The following ARFGAP3 variants were observed in gnomAD, a reference collection of about 807,000 sequenced individuals.
The protein encoded by ARFGAP3 is ARF GTPase activating protein 3.
A neutral mutation model predicts 75.0 loss-of-function variants in ARFGAP3; 72 were observed. The observed-to-expected ratio is 0.96, with a 90% CI of 0.79 to 1.17. ARFGAP3 has a LOEUF of 1.17. Among genes scored for constraint, ARFGAP3 ranks in the 50% most tolerant of loss-of-function variants. The pLI is 0.00. For synonymous variants in ARFGAP3, 221 were observed against 217.9 expected (o/e 1.01, Z -0.13); for missense variants, 620 against 626.6 (o/e 0.99, Z 0.11).
At chr22:42,841,859 T>C (rs1197305139) in intron 2 of ARFGAP3, among the ~76,000 whole-genome samples, 1 of 140,852 alleles carries the variant, frequency 7.1e-6, no homozygotes, top group East Asian at 1.9e-4. Flanking sequence ...TTATATTTAC[T>C]AATTTCTTTT....
At chr22:42,826,383 C>CTT (rs113925697) in intron 7 of ARFGAP3, among the ~76,000 whole-genome samples, 2 of 142,142 alleles carry the variant, frequency 1.4e-5, no homozygotes, top group Non-Finnish European at 3.1e-5. Context: ...CACATTGCTG[C>CTT]TTTTTTTTTT....
intron 3 of ARFGAP3, among the ~76,000 whole-genome samples, chr22:42,837,424 C>T (rs552767703): frequency 6.6e-6 from 1 of 152,060 alleles, no homozygotes; most frequent in African/African-American, 2.4e-5. Context: ...AGTTCGAGAC[C>T]AGCCTGGCAA....
intron 6 of ARFGAP3, among the ~76,000 whole-genome samples, chr22:42,828,328 G>A (rs1926134081): frequency 6.6e-6 from 1 of 152,016 alleles, no homozygotes; most frequent in African/African-American, 2.4e-5. Flanking sequence ...GGAGGCCAAG[G>A]GGGACGCATC....
At chr22:42,829,006 A>G (rs1926167875) in intron 6 of ARFGAP3, among the ~76,000 whole-genome samples, 1 of 152,204 alleles carries the variant, frequency 6.6e-6, no homozygotes, top group East Asian at 1.9e-4. Context: ...TTATGCTAAT[A>G]AATTATAATA....
At chr22:42,850,571 CAA>C (rs57841993) in intron 1 of ARFGAP3, among the ~76,000 whole-genome samples, 70 of 57,584 alleles carry the variant, frequency 1.2e-3, no homozygotes, top group South Asian at 0.012. Context: ...ACCCTGCTAT[CAA>C]AAAAAAAAAA....
intron 1 of ARFGAP3, chr22:42,853,397 C>A: frequency 9.1e-6 from 2 of 218,712 alleles, no homozygotes; most frequent in South Asian, 1.6e-4. Context: ...CGTTTCTACT[C>A]CTTTTTCACT....
chr22:42,843,358 G>A (rs553664817), intron 2 of ARFGAP3, among the ~76,000 whole-genome samples: 4 of 152,268 alleles, frequency 2.6e-5, no homozygotes, highest in South Asian at 4.1e-4. Flanking sequence ...TATATCTGAA[G>A]GTCCGAGTGC....
chr22:42,811,575 C>T (rs1232089260), intron 11 of ARFGAP3, among the ~76,000 whole-genome samples: 3 of 152,214 alleles, frequency 2.0e-5, no homozygotes, highest in Non-Finnish European at 2.9e-5. Flanking sequence ...TCATTAACCT[C>T]CTCCTGGAGT....
chr22:42,822,397 T>C lies in ARFGAP3; in HGVS notation c.685A>G (p.Lys229Glu). The change falls in exon 9 of 16, where the codon AAA (lysine) becomes GAA (glutamate). Residue 229 changes from lysine to glutamate, a missense_variant. By Grantham distance (56) the Lys-to-Glu change is moderately conservative. Transcript: ENST00000263245. ...AGTTTCTGAGCTCCCAAACTTCCTT[T>C]TTTGGCCCCAAGCTAGAACATATAT... ...NQAKKGLGAK[K>E]GSLGAQKLAN... 1.2e-6 allele frequency: 2 copies of C among 1,614,044 alleles called. No homozygotes were observed. The highest frequency in any genetic ancestry group is 1.7e-6 in the Non-Finnish European group (2 of 1,179,994).
intron 1 of ARFGAP3, among the ~76,000 whole-genome samples, chr22:42,852,382 T>C (rs1927315858): frequency 6.6e-6 from 1 of 150,866 alleles, no homozygotes; most frequent in African/African-American, 2.4e-5. Context: ...TTTTTTGAGA[T>C]AGGGTCTCGC....
intron 9 of ARFGAP3, among the ~76,000 whole-genome samples, chr22:42,820,207 C>T (rs778257422): frequency 6.6e-6 from 1 of 152,144 alleles, no homozygotes; most frequent in African/African-American, 2.4e-5. Context: ...CTCCCAAATA[C>T]CAAGAGAAGC....
At chr22:42,831,115 CATGGTGAAATCA>C (rs1233197467) in intron 6 of ARFGAP3, among the ~76,000 whole-genome samples, 27 of 151,982 alleles carry the variant, frequency 1.8e-4, no homozygotes, top group Admixed American at 1.4e-3. Context: ...GCATGGCCAA[CATGGTGAAATCA>C]TGTTGCAAAA....
Position 42,826,988 on chromosome 22 carries a change from G to C in ARFGAP3, c.577C>G (p.Gln193Glu). 6.2e-7 allele frequency: 1 copy of C among 1,613,386 alleles called. No homozygotes were observed. Among genetic ancestry groups the C allele is most frequent in the Non-Finnish European group, 8.5e-7 (1 of 1,179,862 alleles). ...TTAAGACCTTCCACACTTGGTCCTT[G>C]CTCTTGTCCACCTGAAAATTCAAAA... is the stretch of plus-strand genomic sequence containing the variant. The part of the protein sequence containing the change: ...TLENNEGGQE[Q>E]GPSVEGLNVP... The change falls in exon 7 of 16, where the codon CAA becomes GAA. Residue 193 changes from glutamine to glutamate, a missense_variant. Coordinates refer to ENST00000263245, the MANE Select transcript of ARFGAP3 (RefSeq NM_014570.5).
At chr22:42,800,240 CAG>C in intron 14 of ARFGAP3, among the ~76,000 whole-genome samples, 1 of 152,192 alleles carries the variant, frequency 6.6e-6, no homozygotes, top group Non-Finnish European at 1.5e-5. Flanking sequence ...CCTTACAAAA[CAG>C]AAACCCACCA....
intron 6 of ARFGAP3, 128 bp from the exon 7 acceptor site, chr22:42,827,127 A>G: frequency 7.2e-7 from 1 of 1,382,932 alleles, no homozygotes. Flanking sequence ...CTACCTTTTT[A>G]GCTGTATATT....
Position 42,834,226 on chromosome 22 carries a change from G to T in ARFGAP3, c.477+16C>A. ...GAGTAAGCACACTTTAAAATGATGT[G>T]AAGCATAATACATACCTCAGGAGAA... On this transcript the variant is annotated intron_variant, in intron 5 of 15. Transcript: ENST00000263245. 6.2e-7 allele frequency: 1 copy of T among 1,608,006 alleles called. No homozygotes were observed. Among genetic ancestry groups the T allele is most frequent in the Non-Finnish European group, 8.5e-7 (1 of 1,177,254 alleles).
chr22:42,822,809 AT>A (rs946934568), intron 8 of ARFGAP3, among the ~76,000 whole-genome samples: 1 of 150,742 alleles, frequency 6.6e-6, no homozygotes, highest in Non-Finnish European at 1.5e-5. Context: ...CTTACTTTTT[AT>A]TTTTTTTTAC....
intron 3 of ARFGAP3, among the ~76,000 whole-genome samples, chr22:42,839,523 G>A (rs537317503): frequency 6.6e-6 from 1 of 151,482 alleles, no homozygotes; most frequent in East Asian, 1.9e-4. Context: ...TCTTGAACCC[G>A]GGAGGTGGAG....
chr22:42,844,825 C>A (rs1271661789), intron 2 of ARFGAP3, among the ~76,000 whole-genome samples: 1 of 152,136 alleles, frequency 6.6e-6, no homozygotes, highest in African/African-American at 2.4e-5. Context: ...TCCTAGACTC[C>A]TGCCCTAAGG....
Sources: gnomAD v4.1 joint callset for allele counts (sites outside exome capture counted in the v4.1 genomes callset) on GRCh38, gnomAD v4.1.1 for gene constraint, MANE v1.5 for transcripts, NCBI Gene and HGNC (gene_info 2026-07-23, HGNC 2026-07-21) for gene names.